Variants in LRP12 observed in about 807,000 individuals in gnomAD.
LRP12 encodes LDL receptor related protein 12.
In LRP12, 14 loss-of-function variants were observed where a neutral mutation model predicts 66.0. The observed-to-expected ratio is 0.21, with a 90% CI of 0.14 to 0.33. LRP12 has a LOEUF of 0.33. LRP12 is among the 10% of genes least tolerant of loss of function. LRP12 has a pLI of 1.00. For missense variants in LRP12, 889 were observed against 1,053.4 expected (o/e 0.84, Z 2.16); for synonymous variants, 357 against 359.1 (o/e 0.99, Z 0.07).
chr8:104,566,376 A>C (rs1303260163), intron 1 of LRP12: 2 of 261,008 alleles, frequency 7.7e-6, no homozygotes, highest in Non-Finnish European at 7.5e-6. Context: ...CGCAGTGAAA[A>C]CCATGGGAGC....
chr8:104,573,184 A>G (rs188015711), intron 1 of LRP12, among the ~76,000 whole-genome samples: 1 of 152,284 alleles, frequency 6.6e-6, no homozygotes, highest in African/African-American at 2.4e-5. Flanking sequence ...ACTTTTACAT[A>G]CAAGTAATCA....
chr8:104,537,038 G>A (rs902375924), intron 1 of LRP12, among the ~76,000 whole-genome samples: 3 of 151,620 alleles, frequency 2.0e-5, no homozygotes, highest in Non-Finnish European at 4.4e-5. Flanking sequence ...CAATTCTGCT[G>A]TGAACAATTA....
At chr8:104,544,774 T>C (rs778777462) in intron 1 of LRP12, among the ~76,000 whole-genome samples, 5 of 152,144 alleles carry the variant, frequency 3.3e-5, no homozygotes, top group South Asian at 2.1e-4. Flanking sequence ...TTGCTGGCAA[T>C]TCACCTGGTC....
At chr8:104,576,550 T>C (rs145647623) in intron 1 of LRP12, among the ~76,000 whole-genome samples, 1 of 152,250 alleles carries the variant, frequency 6.6e-6, no homozygotes, top group East Asian at 1.9e-4. Flanking sequence ...TTTTCAGACA[T>C]GCGAATGCTG....
intron 1 of LRP12, among the ~76,000 whole-genome samples, chr8:104,561,901 C>A (rs549184702): frequency 5.4e-4 from 82 of 152,212 alleles, no homozygotes; most frequent in African/African-American, 2.0e-3. Flanking sequence ...GGAAATCAGT[C>A]ATTCATCCAA....
At chr8:104,555,903 T>G (rs1240350343) in intron 1 of LRP12, among the ~76,000 whole-genome samples, 1 of 152,040 alleles carries the variant, frequency 6.6e-6, no homozygotes, top group Non-Finnish European at 1.5e-5. Flanking sequence ...ATAGACCAAA[T>G]GAAAGGCCAC....
chr8:104,495,491 C>G (rs1310717050), intron 5 of LRP12: 4 of 283,616 alleles, frequency 1.4e-5, no homozygotes, highest in African/African-American at 8.7e-5. Flanking sequence ...AGAAATAATA[C>G]AAGATTTAAA....
rs1811654125 is a variant in LRP12, at chr8:104,548,324, A to AATATATTAATATT, written c.80-16362_80-16361insAATATTAATATAT. Among the ~76,000 whole-genome samples, 4 of 12,742 alleles carry AATATATTAATATT rather than the reference A, an allele frequency of 3.1e-4. 1 individual carries two copies. The highest frequency in any genetic ancestry group is 3.8e-3 in the Admixed American group (2 of 526). 8.4% of individuals were successfully genotyped at this position (12,742 alleles called of 152,430 possible). ...ATAATATATATTATATAAATATATA[A>AATATATTAATATT]TATATATTATATAAATATATAAATA... On this transcript the variant is annotated intron_variant, in intron 1 of 6. Coordinates refer to ENST00000276654, the MANE Select transcript of LRP12 (RefSeq NM_013437.5).
At chr8:104,559,958 A>G (rs1811878188) in intron 1 of LRP12, among the ~76,000 whole-genome samples, 1 of 152,178 alleles carries the variant, frequency 6.6e-6, no homozygotes, top group African/African-American at 2.4e-5. Flanking sequence ...TTTGAGGTAG[A>G]TATTGTCTCC....
intron 1 of LRP12, among the ~76,000 whole-genome samples, chr8:104,560,828 T>G (rs1811895470): frequency 6.6e-6 from 1 of 152,180 alleles, no homozygotes; most frequent in Admixed American, 6.5e-5. Context: ...GAGATTTCAT[T>G]TGGTTGTTGC....
In LRP12 at chr8:104,507,334, G is replaced by C. The variant is rs1810924937; in HGVS notation, c.272+1605C>G. 2.0e-5 allele frequency: 3 copies of C among 152,066 alleles called. No homozygotes were observed. The South Asian group carries it at 6.2e-4, about 32-fold the overall frequency. 9.4% of individuals were successfully genotyped at this position (152,066 alleles called of 1,614,324 possible). A position where few individuals can be genotyped will look rare whatever the true frequency, so the allele number is the denominator to read the frequency against. ...TTCAGGAAATTTTCCTTTAGCTGTA[G>C]GGCTCACTTCAATTTTATTCTGCAT... On this transcript the variant is annotated intron_variant, in intron 3 of 6. Coordinates refer to ENST00000276654, the MANE Select transcript of LRP12 (RefSeq NM_013437.5).
At chr8:104,586,718 A>G (rs140071547) in intron 1 of LRP12, among the ~76,000 whole-genome samples, 4 of 152,366 alleles carry the variant, frequency 2.6e-5, no homozygotes, top group African/African-American at 9.6e-5. Flanking sequence ...ACATATGGTT[A>G]GAGACAGAAG....
At chr8:104,513,325 C>T (rs191316912) in intron 2 of LRP12, among the ~76,000 whole-genome samples, 20 of 152,134 alleles carry the variant, frequency 1.3e-4, no homozygotes, top group Admixed American at 2.6e-4. Context: ...TTTTTGGGGG[C>T]GCTATTAATA....
At chr8:104,547,754 A>T (rs1220200777) in intron 1 of LRP12, among the ~76,000 whole-genome samples, 2 of 126,594 alleles carry the variant, frequency 1.6e-5, no homozygotes, top group East Asian at 2.2e-4. Flanking sequence ...AATCATATAT[A>T]ATATATAATT....
intron 1 of LRP12, among the ~76,000 whole-genome samples, chr8:104,564,553 G>A (rs1204131006): frequency 6.6e-6 from 1 of 151,880 alleles, no homozygotes; most frequent in Non-Finnish European, 1.5e-5. Flanking sequence ...ACAGGGCAGG[G>A]AGGGAGTAAT....
At chr8:104,499,256 A>T in intron 4 of LRP12, 61 bp downstream of exon 4, 1 of 1,290,616 alleles carries the variant, frequency 7.7e-7, no homozygotes, top group Middle Eastern at 1.9e-4. Context: ...TTAGCTCCGA[A>T]GTGACAGAGC....
Position 104,497,414 on chromosome 8 carries a change from T to G in LRP12, c.1138A>C (p.Ile380Leu), listed in dbSNP as rs1436271896. 2 of 1,614,160 alleles carry G rather than the reference T, an allele frequency of 1.2e-6. No individual in the cohort carries two copies. Among genetic ancestry groups the G allele is most frequent in the Non-Finnish European group, 1.7e-6 (2 of 1,180,016 alleles). ...CACCCCCAGTTACCTCCACAGGGTATTTCCCATGGCAAACAGAACCCATCT... is the reference window on the plus strand; with the variant it reads ...CACCCCCAGTTACCTCCACAGGGTAGTTCCCATGGCAAACAGAACCCATCT... ...QVDGFCLPWE[I>L]PCGGNWGCYT... is the part of the protein sequence containing the mutation. The change falls in exon 5 of 7, where the codon ATA (isoleucine) becomes CTA (leucine). Residue 380 changes from isoleucine to leucine, a missense_variant. Transcript: ENST00000276654. The surrounding 1 kb of genome is among the most constrained non-coding windows in gnomAD (Gnocchi z 4.3).
intron 1 of LRP12, among the ~76,000 whole-genome samples, chr8:104,575,979 T>C (rs1812159056): frequency 6.6e-6 from 1 of 151,980 alleles, no homozygotes; most frequent in Non-Finnish European, 1.5e-5. Context: ...AATGCAATCA[T>C]AAGTATTAAT....
chr8:104,531,392 A>T (rs944077578), intron 2 of LRP12, among the ~76,000 whole-genome samples: 1 of 151,962 alleles, frequency 6.6e-6, no homozygotes, highest in Non-Finnish European at 1.5e-5. Flanking sequence ...AGCCTAGATG[A>T]GTATAAAAAA....
Sources: allele counts gnomAD v4.1 joint callset (sites outside exome capture counted in the v4.1 genomes callset), GRCh38; gene constraint gnomAD v4.1.1; non-coding constraint Gnocchi (gnomAD v3.1); transcripts MANE v1.5; gene names NCBI Gene and HGNC (gene_info 2026-07-23, HGNC 2026-07-21).